Variants in PTPRT observed in about 807,000 individuals in gnomAD.
The protein encoded by PTPRT is receptor-type tyrosine-protein phosphatase T.
A neutral mutation model predicts 176.8 loss-of-function variants in PTPRT; 56 were observed. The observed-to-expected ratio is 0.32, with a 90% confidence interval of 0.26 to 0.40. PTPRT has a LOEUF of 0.40. Ranked by LOEUF, PTPRT falls within the 10% of genes least tolerant of loss-of-function variation. The probability of loss-of-function intolerance (pLI) is 1.00; values close to 1 mark genes in which losing one functional copy is unlikely to be tolerated. For synonymous variants in PTPRT, 783 were observed against 739.0 expected, an observed-to-expected ratio of 1.06 and a Z score of -0.96; for missense variants, 1,540 against 1,908.2, an observed-to-expected ratio of 0.81 and a Z score of 3.60.
intron 15 of PTPRT, among the ~76,000 whole-genome samples, chr20:42,232,697 C>T (rs2056159443): frequency 6.6e-6 from 1 of 151,684 alleles, no homozygotes; most frequent in Non-Finnish European, 1.5e-5. Context: ...CCATAGCCCC[C>T]AACTCCAGTA....
chr20:42,634,558 G>A (rs1048420085), intron 7 of PTPRT, among the ~76,000 whole-genome samples: 1 of 151,974 alleles, frequency 6.6e-6, no homozygotes, highest in Non-Finnish European at 1.5e-5. Context: ...ACATTATAGT[G>A]ACAAGTAGAG....
chr20:43,115,365 C>T (rs957432858), intron 1 of PTPRT, among the ~76,000 whole-genome samples: 1 of 152,190 alleles, frequency 6.6e-6, no homozygotes, highest in South Asian at 2.1e-4. Flanking sequence ...GGTCAGAGAA[C>T]ACACAGGCAT....
chr20:42,462,093 A>G (rs1336113340), intron 8 of PTPRT, among the ~76,000 whole-genome samples: 7 of 151,788 alleles, frequency 4.6e-5, no homozygotes, highest in Admixed American at 1.3e-4. Flanking sequence ...AGAAACAAGG[A>G]GGTGAGGGGG....
chr20:42,712,198 C>A lies in PTPRT; in HGVS notation c.860-34039G>T, dbSNP rs181819446. Among the ~76,000 whole-genome samples, 50 of 152,208 alleles carry A rather than the reference C, an allele frequency of 3.3e-4. No homozygotes were observed. In the East Asian group the frequency reaches 6.6e-3, roughly 20 times the overall value. On this transcript the variant is annotated intron_variant, in intron 6 of 30. Transcript: ENST00000373187. ...CATTGTTCTTCTCTCAACAGGCTCC[C>A]GAAGAGGTCCAGGTGCCAAGATAGT...
intron 1 of PTPRT, among the ~76,000 whole-genome samples, chr20:43,107,030 T>C (rs3092284): frequency 0.3 from 46,287 of 151,906 alleles, 7,533 homozygotes; most frequent in Non-Finnish European, 0.37. Flanking sequence ...TCTCAGGTGA[T>C]CCGCCCGCCT....
At chr20:42,707,040 C>T (rs2076070741) in intron 6 of PTPRT, among the ~76,000 whole-genome samples, 1 of 152,146 alleles carries the variant, frequency 6.6e-6, no homozygotes, top group African/African-American at 2.4e-5. Context: ...GCCAGGCAAC[C>T]TCCAAAAGCC....
At chr20:43,126,561 C>T (rs1429643692) in intron 1 of PTPRT, among the ~76,000 whole-genome samples, 1 of 152,158 alleles carries the variant, frequency 6.6e-6, no homozygotes. Flanking sequence ...AAAGATTTCA[C>T]CTGAACTCTG....
chr20:42,049,914 C>T, the PTPRT span, among the ~76,000 whole-genome samples: 3 of 152,214 alleles, frequency 2.0e-5, no homozygotes, highest in South Asian at 2.1e-4. Context: ...CTGATGCTCC[C>T]CATATAGTGC....
intron 16 of PTPRT, among the ~76,000 whole-genome samples, chr20:42,175,491 G>C (rs1435709609): frequency 6.6e-6 from 1 of 152,092 alleles, no homozygotes; most frequent in Non-Finnish European, 1.5e-5. Flanking sequence ...ACCCATCTGT[G>C]GTATGAATGA....
At chr20:42,697,355 C>T (rs2075897514) in intron 6 of PTPRT, among the ~76,000 whole-genome samples, 1 of 152,164 alleles carries the variant, frequency 6.6e-6, no homozygotes, top group Admixed American at 6.5e-5. Flanking sequence ...TTTGGTTAAC[C>T]CAGTGTTTTA....
chr20:42,542,628 A>G (rs577640872), intron 7 of PTPRT, among the ~76,000 whole-genome samples: 1 of 152,348 alleles, frequency 6.6e-6, no homozygotes. Context: ...TGGAAATTAC[A>G]TCTGCAATTA....
chr20:42,071,989 G>A (rs1026904098), downstream of PTPRT, among the ~76,000 whole-genome samples: 1 of 152,146 alleles, frequency 6.6e-6, no homozygotes, highest in Non-Finnish European at 1.5e-5. Flanking sequence ...ATTGAGAGGA[G>A]GGGTCTATGT....
At chr20:42,694,451 G>A (rs550801808) in intron 6 of PTPRT, among the ~76,000 whole-genome samples, 17 of 152,258 alleles carry the variant, frequency 1.1e-4, no homozygotes, top group South Asian at 4.1e-4. Flanking sequence ...CCATTCTCCC[G>A]TTAAGGGTCA....
the PTPRT span, among the ~76,000 whole-genome samples, chr20:42,045,251 A>C: frequency 6.6e-6 from 1 of 152,068 alleles, no homozygotes; most frequent in Non-Finnish European, 1.5e-5. Flanking sequence ...ACTGTTAATA[A>C]AGGAGGTACT....
At chr20:43,161,882 A>G (rs1211462631) in intron 1 of PTPRT, among the ~76,000 whole-genome samples, 1 of 152,204 alleles carries the variant, frequency 6.6e-6, no homozygotes, top group Non-Finnish European at 1.5e-5. Flanking sequence ...GGGTCCTCAG[A>G]TCGTGGCTAC....
chr20:42,669,026 C>G (rs916689723), intron 7 of PTPRT, among the ~76,000 whole-genome samples: 1 of 151,896 alleles, frequency 6.6e-6, no homozygotes, highest in African/African-American at 2.4e-5. Flanking sequence ...ATTCTTATGG[C>G]GTCTCAATCA....
intron 1 of PTPRT, among the ~76,000 whole-genome samples, chr20:42,937,870 T>A (rs1265439242): frequency 1.3e-5 from 2 of 152,202 alleles, no homozygotes; most frequent in African/African-American, 4.8e-5. Flanking sequence ...ATAATTACAC[T>A]CTGTATCATT....
chr20:42,107,012 C>T (rs1383598441), intron 23 of PTPRT, 91 bp from the exon 24 acceptor site: 7 of 1,483,624 alleles, frequency 4.7e-6, no homozygotes, highest in East Asian at 2.3e-5. Context: ...CCCCAAGGGT[C>T]CTGCTGGGAG....
At chr20:42,176,646 T>C (rs554274582) in intron 16 of PTPRT, among the ~76,000 whole-genome samples, 3 of 152,356 alleles carry the variant, frequency 2.0e-5, no homozygotes, top group African/African-American at 7.2e-5. Flanking sequence ...AGACTGCTCC[T>C]ATTTTCTATC....
Sources: allele counts gnomAD v4.1 joint callset (sites outside exome capture counted in the v4.1 genomes callset), GRCh38; gene constraint gnomAD v4.1.1; transcripts MANE v1.5; gene names NCBI Gene and HGNC (gene_info 2026-07-23, HGNC 2026-07-21).